Variants in PADI1 observed in about 807,000 individuals in gnomAD.
PADI1 encodes the protein peptidyl arginine deiminase 1.
In PADI1, 65 loss-of-function variants were observed where a neutral mutation model predicts 74.8. The observed-to-expected ratio is 0.87, with a 90% confidence interval of 0.71 to 1.07. PADI1 has a LOEUF of 1.07. PADI1 is among the 50% of genes least tolerant of loss of function. PADI1 has a pLI of 0.00. For missense variants in PADI1, 943 were observed against 854.0 expected (o/e 1.10, Z -1.30); for synonymous variants, 371 against 336.2 (o/e 1.10, Z -1.13).
intron 3 of PADI1, 96 bp from the exon 4 acceptor site, chr1:17,224,271 G>T: frequency 2.0e-6 from 2 of 1,001,684 alleles, no homozygotes; most frequent in Non-Finnish European, 3.1e-6. Flanking sequence ...GTCCTCACGG[G>T]CTTGGGGAGG....
rs1355651212 is a variant in PADI1, at chr1:17,244,163, G to A, written c.1912G>A (p.Glu638Lys). The A allele has an allele frequency of 1.1e-5, 18 of 1,614,162 alleles. No individual in the cohort carries two copies. The highest frequency in any genetic ancestry group is 3.3e-5 in the Admixed American group (2 of 60,018). The change falls in exon 16 of 16, where the codon GAG (glutamate) becomes AAG (lysine). Residue 638 changes from glutamate to lysine, a missense_variant. Physicochemically the swap from Glu to Lys is moderately conservative, Grantham distance 56. Coordinates refer to ENST00000375471, the MANE Select transcript of PADI1 (RefSeq NM_013358.3). ...IFIDDYLSYH[E>K]LQGEIHCGTN... ...CATTGATGACTACTTGTCCTACCAC[G>A]AGCTGCAGGGGGAGATCCACTGTGG...
chr1:17,228,219 CCTCCCGCCTTG>C (rs1263582724), intron 6 of PADI1, among the ~76,000 whole-genome samples: 1 of 152,158 alleles, frequency 6.6e-6, no homozygotes, highest in Non-Finnish European at 1.5e-5. Flanking sequence ...CTCAAGTGAT[CCTCCCGCCTTG>C]GCCTCCCAAA....
intron 1 of PADI1, among the ~76,000 whole-genome samples, chr1:17,212,809 T>C (rs2071867954): frequency 6.6e-6 from 1 of 152,136 alleles, no homozygotes; most frequent in Non-Finnish European, 1.5e-5. Context: ...CTTCTGTCAT[T>C]TTAGGGCAGA....
At chr1:17,219,434 A>G (rs185183539) in intron 1 of PADI1, among the ~76,000 whole-genome samples, 1 of 152,132 alleles carries the variant, frequency 6.6e-6, no homozygotes, top group Non-Finnish European at 1.5e-5. Context: ...TGGGTTGCTA[A>G]CAGGGGAGCT....
At chr1:17,224,276 G>A (rs1172455840) in intron 3 of PADI1, 91 bp from the exon 4 acceptor site, 36 of 1,058,110 alleles carry the variant, frequency 3.4e-5, no homozygotes, top group Non-Finnish European at 2.9e-6. Flanking sequence ...CACGGGCTTG[G>A]GGAGGGGTCA....
chr1:17,209,572 G>A (rs995401514), intron 1 of PADI1, among the ~76,000 whole-genome samples: 4 of 152,162 alleles, frequency 2.6e-5, no homozygotes, highest in African/African-American at 7.2e-5. Context: ...GGGACTGGCT[G>A]GGAATCTCTC....
chr1:17,205,134 C>G lies in PADI1; in HGVS notation c.-84C>G, dbSNP rs2071650646. On this transcript the variant is annotated 5_prime_UTR_variant, in exon 1 of 16. Transcript: ENST00000375471. Reference sequence around the variant, plus strand: ...GAGGAGGCACCAGTCCATCAGAACTCACACTTCTTCCTGGCAAAGAAGTGC... The same window carrying G: ...GAGGAGGCACCAGTCCATCAGAACTGACACTTCTTCCTGGCAAAGAAGTGC... 1.8e-6 allele frequency: 2 copies of G among 1,091,220 alleles called. No homozygotes were observed. The highest frequency in any genetic ancestry group is 2.8e-6 in the Non-Finnish European group (2 of 718,542). The allele number at this position is 1,091,220 out of a possible 1,614,324, so 67.6% of individuals were successfully genotyped here.
chr1:17,222,582 C>A, intron 2 of PADI1, 112 bp downstream of exon 2: 1 of 808,568 alleles, frequency 1.2e-6, no homozygotes, highest in Non-Finnish European at 2.1e-6. Flanking sequence ...CCAAACCTCA[C>A]AAAGCTTATC....
At chr1:17,243,261 G>A (rs2072813371) in intron 15 of PADI1, among the ~76,000 whole-genome samples, 1 of 152,354 alleles carries the variant, frequency 6.6e-6, no homozygotes, top group South Asian at 2.1e-4. Flanking sequence ...CCCCAAGCCA[G>A]GTCCGCAACC....
At chr1:17,205,684 C>T (rs534839187) in intron 1 of PADI1, among the ~76,000 whole-genome samples, 4 of 152,236 alleles carry the variant, frequency 2.6e-5, no homozygotes, top group South Asian at 4.2e-4. Flanking sequence ...TCCCACCTCC[C>T]TCAATTTCTT....
At chr1:17,239,892 C>G in intron 14 of PADI1, 109 bp downstream of exon 14, 1 of 802,510 alleles carries the variant, frequency 1.2e-6, no homozygotes, top group Non-Finnish European at 2.1e-6. Flanking sequence ...TCTCATGGTC[C>G]TGGGGGCTGC....
chr1:17,230,230 G>T (rs1242630572), intron 9 of PADI1, 22 bp downstream of exon 9: 2 of 1,608,830 alleles, frequency 1.2e-6, no homozygotes, highest in African/African-American at 2.7e-5. Flanking sequence ...GGGCAGCTCG[G>T]GAAGCCTGCA....
At chr1:17,236,679 G>A (rs896615394) in intron 11 of PADI1, among the ~76,000 whole-genome samples, 3 of 152,072 alleles carry the variant, frequency 2.0e-5, no homozygotes, top group Non-Finnish European at 4.4e-5. Context: ...ACTTGAGCAC[G>A]GGAGGTTGAG....
At chr1:17,227,400 A>G (rs1379305674) in intron 6 of PADI1, among the ~76,000 whole-genome samples, 1 of 149,790 alleles carries the variant, frequency 6.7e-6, no homozygotes, top group Non-Finnish European at 1.5e-5. Context: ...ATACAAAAAA[A>G]TTAGCCTGTA....
intron 15 of PADI1, among the ~76,000 whole-genome samples, chr1:17,241,914 G>A (rs1308969035): frequency 6.7e-6 from 1 of 149,982 alleles, no homozygotes; most frequent in African/African-American, 2.5e-5. Flanking sequence ...GAATCGGCAT[G>A]GAATCAGGGT....
At chr1:17,229,895 T>C (rs1050227648) in intron 8 of PADI1, among the ~76,000 whole-genome samples, 190 bp from the exon 9 acceptor site, 1 of 152,204 alleles carries the variant, frequency 6.6e-6, no homozygotes, top group African/African-American at 2.4e-5. Flanking sequence ...TGCCTCACCT[T>C]GCACCTGTCA....
intron 4 of PADI1, among the ~76,000 whole-genome samples, chr1:17,224,840 C>G (rs1036034420): frequency 1.3e-5 from 2 of 151,942 alleles, no homozygotes; most frequent in African/African-American, 4.8e-5. Flanking sequence ...CCAGGTAACA[C>G]CTGAAGAGTA....
chr1:17,230,809 T>A, intron 10 of PADI1, 130 bp downstream of exon 10: 1 of 626,902 alleles, frequency 1.6e-6, no homozygotes, highest in Non-Finnish European at 2.8e-6. Flanking sequence ...ATACAGGAGG[T>A]GGGATGTCAG....
rs564066423 is a variant in PADI1 at position 17,207,308 on chromosome 1, A to C, written c.92+1999A>C. Among the ~76,000 whole-genome samples the C allele has an allele frequency of 9.8e-5, 15 of 152,300 alleles. 1 individual carries two copies. The highest frequency in any genetic ancestry group is 3.4e-3 in the Middle Eastern group (1 of 294). On this transcript the variant is annotated intron_variant, in intron 1 of 15. Transcript: ENST00000375471. ...ATGAGATGAGCTGAGTCCACTCTGC[A>C]GTTCACTGTGGAGGTGAAGTACCCA...
Sources: allele counts gnomAD v4.1 joint callset (sites outside exome capture counted in the v4.1 genomes callset), GRCh38; gene constraint gnomAD v4.1.1; transcripts MANE v1.5; gene names NCBI Gene and HGNC (gene_info 2026-07-23, HGNC 2026-07-21).